ZNF536: variants seen among roughly 807,000 people sequenced by gnomAD.
The protein encoded by ZNF536 is zinc finger protein 536.
A neutral mutation model predicts 84.5 loss-of-function variants in ZNF536; 13 were observed. That is an observed-to-expected ratio of 0.15 (90% CI 0.10 to 0.24). The LOEUF is 0.24. Among genes scored for constraint, ZNF536 ranks in the 10% least tolerant of loss-of-function variants. The pLI is 1.00. For missense variants in ZNF536, 1,536 were observed against 1,747.5 expected (o/e 0.88, Z 2.16); for synonymous variants, 811 against 742.5 (o/e 1.09, Z -1.50).
At chr19:30,541,710 A>G (rs1408295815) in intron 3 of ZNF536, among the ~76,000 whole-genome samples, 1 of 152,248 alleles carries the variant, frequency 6.6e-6, no homozygotes, top group Admixed American at 6.5e-5. Context: ...TGTATACAGT[A>G]GGGCATGGCT....
chr19:30,352,651 A>G (rs2047969228), intron 3 of ZNF536, among the ~76,000 whole-genome samples: 1 of 150,050 alleles, frequency 6.7e-6, no homozygotes, highest in Non-Finnish European at 1.5e-5. Flanking sequence ...GGAGTCCCGT[A>G]CCTGCCCAGT....
At chr19:30,471,764 G>A (rs1295024483) in intron 2 of ZNF536, among the ~76,000 whole-genome samples, 1 of 152,234 alleles carries the variant, frequency 6.6e-6, no homozygotes, top group East Asian at 1.9e-4. Flanking sequence ...GGTCTGCCTG[G>A]ATAGAGAGAG....
At chr19:30,684,235 A>G (rs546934348) in intron 1 of ZNF536, among the ~76,000 whole-genome samples, 3 of 152,232 alleles carry the variant, frequency 2.0e-5, no homozygotes, top group Admixed American at 2.0e-4. Flanking sequence ...CCTGGGCTCA[A>G]GTGATCCTCC....
At chr19:30,254,602 A>G (rs902208163) in intron 1 of ZNF536, among the ~76,000 whole-genome samples, 49 of 130,066 alleles carry the variant, frequency 3.8e-4, no homozygotes, top group African/African-American at 1.4e-3. Context: ...AAAAAAAAAA[A>G]TCATCCAAAC....
intron 1 of ZNF536, among the ~76,000 whole-genome samples, chr19:30,681,505 A>G (rs2050970556): frequency 6.6e-6 from 1 of 152,162 alleles, no homozygotes; most frequent in Admixed American, 6.5e-5. Flanking sequence ...CTCCGCATGA[A>G]GCGCAGGAAG....
chr19:30,494,903 A>G lies in ZNF536; in HGVS notation c.2171-39944A>G, dbSNP rs529682621. Among the ~76,000 whole-genome samples, 8 of 141,848 alleles carry G rather than the reference A, an allele frequency of 5.6e-5. No homozygotes were observed. In the South Asian group the frequency reaches 1.9e-3, roughly 33 times the overall value. 93.1% of individuals were successfully genotyped at this position (141,848 alleles called of 152,430 possible). ...GGAGGTTGCATTGAGCCAAGATCAT[A>G]CCACTACACTCCAGCCTGGGCAACA... On this transcript the variant is annotated intron_variant, in intron 2 of 4. Coordinates refer to ENST00000355537, the MANE Select transcript of ZNF536 (RefSeq NM_014717.3).
At chr19:30,609,292 T>C (rs187092617) in intron 1 of ZNF536, among the ~76,000 whole-genome samples, 3 of 152,294 alleles carry the variant, frequency 2.0e-5, no homozygotes, top group Admixed American at 2.0e-4. Flanking sequence ...GTCAAATATA[T>C]GATTCAGGGA....
intron 1 of ZNF536, among the ~76,000 whole-genome samples, chr19:30,262,647 A>T (rs535929998): frequency 9.3e-4 from 141 of 152,258 alleles, no homozygotes; most frequent in African/African-American, 3.3e-3. Context: ...ATGCTATGGC[A>T]TCCTTGGGTG....
intron 2 of ZNF536, among the ~76,000 whole-genome samples, chr19:30,341,508 G>T (rs554505497): frequency 6.6e-6 from 1 of 152,126 alleles, no homozygotes; most frequent in Non-Finnish European, 1.5e-5. Flanking sequence ...TTCTCCTCTC[G>T]TGATTGATAG....
rs375886471 is a variant in ZNF536 at position 30,602,094 on chromosome 19, G to A, written c.169+52580G>A. 1.1e-4 allele frequency among the ~76,000 whole-genome samples: 17 copies of A among 152,314 alleles called. No individual in the cohort carries two copies. The South Asian group carries it at 3.5e-3, about 32-fold the overall frequency. ...TTCAGTCCACCCATTAGCGTTATCT[G>A]CAGTGGTATCAAAAAACGAATTAGG... On this transcript the variant is annotated intron_variant, in intron 1 of 1. Transcript: ENST00000592773.
At chr19:30,237,558 C>T (rs1048709021) in intron 1 of ZNF536, among the ~76,000 whole-genome samples, 6 of 152,146 alleles carry the variant, frequency 3.9e-5, no homozygotes, top group Non-Finnish European at 7.3e-5. Context: ...GGGGCCAAGG[C>T]GACCCTCCTT....
intron 1 of ZNF536, among the ~76,000 whole-genome samples, chr19:30,394,536 G>C (rs2049733236): frequency 6.6e-6 from 1 of 152,148 alleles, no homozygotes; most frequent in Non-Finnish European, 1.5e-5. Flanking sequence ...TGCACCAGAG[G>C]AAGCTCCTTC....
intron 1 of ZNF536, among the ~76,000 whole-genome samples, chr19:30,664,938 T>C (rs553458107): frequency 3.9e-5 from 6 of 152,204 alleles, no homozygotes; most frequent in Non-Finnish European, 8.8e-5. Context: ...TATAAATAGG[T>C]CACAATAGTG....
chr19:30,439,987 G>C (rs1322016439), intron 1 of ZNF536, among the ~76,000 whole-genome samples: 1 of 116,112 alleles, frequency 8.6e-6, no homozygotes, highest in East Asian at 3.3e-4. Flanking sequence ...TTTTGACAGA[G>C]TCTCGCTCTG....
At chr19:30,231,868 C>T (rs1292782003) in intron 1 of ZNF536, among the ~76,000 whole-genome samples, 1 of 151,958 alleles carries the variant, frequency 6.6e-6, no homozygotes, top group African/African-American at 2.4e-5. Flanking sequence ...GTTAGAAATA[C>T]TTGTTCTGAG....
intron 1 of ZNF536, among the ~76,000 whole-genome samples, chr19:30,637,712 C>G (rs755061271): frequency 6.6e-6 from 1 of 152,164 alleles, no homozygotes; most frequent in Non-Finnish European, 1.5e-5. Context: ...TAGAGCATCA[C>G]CCCTTTTTTC....
chr19:30,627,447 G>A (rs527805448), intron 1 of ZNF536, among the ~76,000 whole-genome samples: 3 of 125,388 alleles, frequency 2.4e-5, no homozygotes, highest in African/African-American at 9.5e-5. Context: ...CTCCAGCCTG[G>A]GTGACAGACC....
At chr19:30,435,574 GTGATGATGGTGA>G (rs1174691735) in intron 1 of ZNF536, among the ~76,000 whole-genome samples, 4 of 151,000 alleles carry the variant, frequency 2.6e-5, no homozygotes, top group African/African-American at 7.3e-5. Flanking sequence ...GATGGTGATG[GTGATGATGGTGA>G]TGATGATGGT....
chr19:30,516,782 G>A (rs936125928), intron 2 of ZNF536, among the ~76,000 whole-genome samples: 6 of 152,128 alleles, frequency 3.9e-5, no homozygotes, highest in East Asian at 1.9e-4. Context: ...GGAGTGTGCC[G>A]GGAGGCCAGG....
Sources: allele counts gnomAD v4.1 joint callset (sites outside exome capture counted in the v4.1 genomes callset), GRCh38; gene constraint gnomAD v4.1.1; transcripts MANE v1.5; gene names NCBI Gene and HGNC (gene_info 2026-07-23, HGNC 2026-07-21).